Variants in PIANP observed in about 807,000 individuals in gnomAD.
PIANP encodes PILR alpha associated neural protein.
PIANP carries 14 observed loss-of-function variants against 28.9 expected under a neutral mutation model. The observed-to-expected ratio is 0.49, with a 90% confidence interval of 0.32 to 0.76. The LOEUF is 0.76. PIANP is among the 30% of genes least tolerant of loss of function. The pLI, the probability that PIANP is intolerant of heterozygous loss-of-function variation, is 0.03. For synonymous variants in PIANP, 149 were observed against 156.6 expected (o/e 0.95, Z 0.36); for missense variants, 322 against 371.8 (o/e 0.87, Z 1.10).
chr12:6,696,644 C>T lies in PIANP; in HGVS notation c.524-120G>A, dbSNP rs566813611. 2.3e-5 allele frequency: 14 copies of T among 599,510 alleles called. No individual in the cohort carries two copies. The highest frequency in any genetic ancestry group is 1.5e-4 in the Admixed American group (4 of 26,562). The allele number at this position is 599,510 out of a possible 1,614,324, so 37.1% of individuals were successfully genotyped here. On this transcript the variant is annotated intron_variant, in intron 3 of 4. Transcript: ENST00000534837. The surrounding 1 kb of genome is among the most constrained non-coding windows in gnomAD (Gnocchi z 4.0). ...GCATTGCTGTGTGGATCCACACTGC[C>T]GGCTCTGTCTGCCCCTCTGGAGCCT...
chr12:6,697,435 G>A lies in PIANP; in HGVS notation c.375C>T (p.Pro125=), dbSNP rs760903001. ...CTGCAAAACCATAGTCCAGAAATCC[G>A]GGATTGGCAGAGTTGGGGTCCCCTC... The part of the protein sequence containing the change: ...EDGGDPNSAN[P]GFLDYGFAAP... Residue 125 remains proline (P), a synonymous_variant, in exon 3 of 5, where the codon CCC becomes CCT. Transcript: ENST00000534837. The surrounding 1 kb of genome is among the most constrained non-coding windows in gnomAD (Gnocchi z 6.9). 2.3e-5 allele frequency: 37 copies of A among 1,613,902 alleles called. No homozygotes were observed. The highest frequency in any genetic ancestry group is 1.6e-4 in the Middle Eastern group (1 of 6,084).
Position 6,697,328 on chromosome 12 carries a change from G to A in PIANP, c.482C>T (p.Pro161Leu), listed in dbSNP as rs1222803957. Residue 161 changes from proline (P) to leucine (L), a missense_variant, in exon 3 of 5, where the codon CCT becomes CTT. Physicochemically the swap from Pro to Leu is moderately conservative, Grantham distance 98. Transcript: ENST00000534837. This position sits in a 1 kb window ranked among gnomAD's most constrained non-coding sequence, Gnocchi z 6.9. Reference protein sequence around the residue: ...DGDGLILGEAPATLRPFLFGG... With the variant: ...DGDGLILGEALATLRPFLFGG... The stretch of plus-strand genomic sequence containing the variant: ...GAACAGGAATGGCCGCAGGGTGGCA[G>A]GTGCCTCTCCAAGGATAAGCCCATC... The A allele has an allele frequency of 6.2e-7, 1 of 1,614,012 alleles. No homozygotes were observed. Among genetic ancestry groups the A allele is most frequent in the Admixed American group, 1.7e-5 (1 of 60,028 alleles).
Position 6,695,030 on chromosome 12 carries a change from G to C in PIANP, c.*396C>G. 6.4e-7 allele frequency: 1 copy of C among 1,565,230 alleles called. No homozygotes were observed. The highest frequency in any genetic ancestry group is 8.7e-7 in the Non-Finnish European group (1 of 1,154,484). On this transcript the variant is annotated 3_prime_UTR_variant, in exon 5 of 5. Transcript: ENST00000534837. This position sits in a 1 kb window ranked among gnomAD's most constrained non-coding sequence, Gnocchi z 4.2. ...CCTGCTTGGCTGCACCCCAACATTGGGGGCATCACAGATTCACCAGGGGAA... is the reference window on the plus strand; with the variant it reads ...CCTGCTTGGCTGCACCCCAACATTGCGGGCATCACAGATTCACCAGGGGAA...
chr12:6,695,587 TCTC>T lies in PIANP; in HGVS notation c.667_669del (p.Glu223del), dbSNP rs1415803299. The T allele has an allele frequency of 4.4e-6, 7 of 1,589,750 alleles. No individual in the cohort carries two copies. Among genetic ancestry groups the T allele is most frequent in the Non-Finnish European group, 6.0e-6 (7 of 1,167,106 alleles). ...GACAGGTCTGTCAGTGGCTGCTGGC[TCTC>T]CTCCTGCCTCAGGGCACCTTGCTGC... On this transcript the variant is annotated inframe_deletion, in exon 5 of 5. Transcript: ENST00000534837. This position sits in a 1 kb window ranked among gnomAD's most constrained non-coding sequence, Gnocchi z 4.2.
Position 6,697,730 on chromosome 12 carries a change from G to A in PIANP, c.80C>T (p.Pro27Leu), listed in dbSNP as rs1168762197. The A allele has an allele frequency of 7.1e-6, 11 of 1,555,292 alleles. No individual in the cohort carries two copies. Among genetic ancestry groups the A allele is most frequent in the East Asian group, 2.3e-5 (1 of 42,892 alleles). The change falls in exon 3 of 5, where the codon CCG (proline) becomes CTG (leucine). Residue 27 changes from proline (P) to leucine (L), a missense_variant. Pro to Leu is a moderately conservative substitution (Grantham distance 98, BLOSUM62 -3). Transcript: ENST00000534837. The surrounding 1 kb of genome is among the most constrained non-coding windows in gnomAD (Gnocchi z 6.9). ...GGAGGATGAAGAGCCCTGAGCAGGC[G>A]GTGGGAGGGGCAGCAACAGCAGTGG... The part of the protein sequence containing the change: ...LWPLLLLPLP[P>L]PAQGSSSSPR...
Position 6,697,830 on chromosome 12 carries a change from T to A in PIANP, c.18-38A>T. On this transcript the variant is annotated intron_variant, in intron 2 of 4. Coordinates refer to ENST00000534837, the MANE Select transcript of PIANP (RefSeq NM_001244014.2). The surrounding 1 kb of genome is among the most constrained non-coding windows in gnomAD (Gnocchi z 6.9). ...AGAGAGCGTGGCTGAGACACAGGCC[T>A]ACTGTGGGCCTATGTGAGGGAGGGA... 1 of 1,504,602 alleles carries A rather than the reference T, an allele frequency of 6.6e-7. No homozygotes were observed. The highest frequency in any genetic ancestry group is 8.9e-7 in the Non-Finnish European group (1 of 1,127,478). 93.2% of individuals were successfully genotyped at this position (1,504,602 alleles called of 1,614,324 possible). A position where few individuals can be genotyped will look rare whatever the true frequency, so the allele number is the denominator to read the frequency against.
rs573129295 is a variant in PIANP at position 6,695,783 on chromosome 12, G to C, written c.606-132C>G. On this transcript the variant is annotated intron_variant, in intron 4 of 4. Transcript: ENST00000534837. The surrounding 1 kb of genome is among the most constrained non-coding windows in gnomAD (Gnocchi z 4.2). ...ATAGCAGAGAAACTGGCCTTTAACA[G>C]TTCTCTCTACTAAATCCCCTGGGAC... 6 of 1,067,574 alleles carry C rather than the reference G, an allele frequency of 5.6e-6. No individual in the cohort carries two copies. Among genetic ancestry groups the C allele is most frequent in the East Asian group, 3.2e-5 (1 of 31,072 alleles). 66.1% of individuals were successfully genotyped at this position (1,067,574 alleles called of 1,614,324 possible). A position where few individuals can be genotyped will look rare whatever the true frequency, so the allele number is the denominator to read the frequency against.
At chr12:6,693,230 T>C (rs1248816372), downstream of PIANP, among the ~76,000 whole-genome samples, 1 of 151,004 alleles carries the variant, frequency 6.6e-6, no homozygotes. Flanking sequence ...CTGCAGTGCC[T>C]CTCTCTGAGA....
chr12:6,695,032 G>C lies in PIANP; in HGVS notation c.*394C>G, dbSNP rs1296561492. ...TGCTTGGCTGCACCCCAACATTGGG[G>C]GCATCACAGATTCACCAGGGGAATC... On this transcript the variant is annotated 3_prime_UTR_variant, in exon 5 of 5. Transcript: ENST00000534837. This position sits in a 1 kb window ranked among gnomAD's most constrained non-coding sequence, Gnocchi z 4.2. 6.4e-7 allele frequency: 1 copy of C among 1,566,102 alleles called. No individual in the cohort carries two copies. The highest frequency in any genetic ancestry group is 1.9e-5 in the Admixed American group (1 of 52,984).
chr12:6,694,084 C>T lies in PIANP; in HGVS notation c.*1342G>A, dbSNP rs143672282. The T allele has an allele frequency of 0.011, 1,760 of 153,806 alleles. 20 individuals are homozygous for T. Among genetic ancestry groups the T allele is most frequent in the Middle Eastern group, 0.045 (14 of 310 alleles). The allele number at this position is 153,806 out of a possible 1,614,324, so 9.5% of individuals were successfully genotyped here. A position where few individuals can be genotyped will look rare whatever the true frequency, so the allele number is the denominator to read the frequency against. On this transcript the variant is annotated 3_prime_UTR_variant, in exon 5 of 5. Coordinates refer to ENST00000534837, the MANE Select transcript of PIANP (RefSeq NM_001244014.2). This position sits in a 1 kb window ranked among gnomAD's most constrained non-coding sequence, Gnocchi z 6.1. ...GACTTGGAGGCAGAGCTCCCGATGGCCTTGAACCAGCTGACTCCGGTCCCT... is the reference window on the plus strand; with the variant it reads ...GACTTGGAGGCAGAGCTCCCGATGGTCTTGAACCAGCTGACTCCGGTCCCT...
At chr12:6,692,799 A>C (rs762191702), downstream of PIANP, among the ~76,000 whole-genome samples, 1 of 152,118 alleles carries the variant, frequency 6.6e-6, no homozygotes, top group Non-Finnish European at 1.5e-5. Flanking sequence ...ACTCAGCATT[A>C]TGTGCTGCAC....
rs368006102 is a variant in PIANP at position 6,697,402 on chromosome 12, A to G, written c.408T>C (p.His136=). The change falls in exon 3 of 5, where the codon CAT becomes CAC. Residue 136 remains histidine (H), a synonymous_variant. Coordinates refer to ENST00000534837, the MANE Select transcript of PIANP (RefSeq NM_001244014.2). This position sits in a 1 kb window ranked among gnomAD's most constrained non-coding sequence, Gnocchi z 6.9. ...AGTTGGGGTGTGGGGTTGCGAGCCC[A>G]TGAGGGGCTGCAAAACCATAGTCCA... is the stretch of plus-strand genomic sequence containing the variant. The part of the protein sequence containing the change: ...GFLDYGFAAP[H]GLATPHPNSD... The G allele has an allele frequency of 1.2e-6, 2 of 1,613,922 alleles. No homozygotes were observed. The highest frequency in any genetic ancestry group is 1.7e-6 in the Non-Finnish European group (2 of 1,179,904).
Position 6,695,958 on chromosome 12 carries a change from TTC to T in PIANP, c.606-309_606-308del, listed in dbSNP as rs556233216. ...TCCCCTACATGCCCAGAAGAGTCAT[TTC>T]TGTCTTCAGCAGACAACTGGCAGGT... On this transcript the variant is annotated intron_variant, in intron 4 of 4. Coordinates refer to ENST00000534837, the MANE Select transcript of PIANP (RefSeq NM_001244014.2). This position sits in a 1 kb window ranked among gnomAD's most constrained non-coding sequence, Gnocchi z 4.2. Among the ~76,000 whole-genome samples the T allele has an allele frequency of 7.9e-5, 12 of 152,176 alleles. No homozygotes were observed. The South Asian group carries it at 2.5e-3, about 32-fold the overall frequency.
Position 6,695,017 on chromosome 12 carries a change from C to A in PIANP, c.*409G>T. 6.4e-7 allele frequency: 1 copy of A among 1,557,360 alleles called. No individual in the cohort carries two copies. Among genetic ancestry groups the A allele is most frequent in the African/African-American group, 1.4e-5 (1 of 73,548 alleles). ...GGCCCCTTGGCCTCCTGCTTGGCTG[C>A]ACCCCAACATTGGGGGCATCACAGA... On this transcript the variant is annotated 3_prime_UTR_variant, in exon 5 of 5. Coordinates refer to ENST00000534837, the MANE Select transcript of PIANP (RefSeq NM_001244014.2). The surrounding 1 kb of genome is among the most constrained non-coding windows in gnomAD (Gnocchi z 4.2).
chr12:6,695,090 A>G lies in PIANP; in HGVS notation c.*336T>C, dbSNP rs1430378783. ...GAAGAGGGAAAGGGCACAGTCAGGA[A>G]CCAAGGGGTAGGCCAGAATAGAAGG... On this transcript the variant is annotated 3_prime_UTR_variant, in exon 5 of 5. Transcript: ENST00000534837. The surrounding 1 kb of genome is among the most constrained non-coding windows in gnomAD (Gnocchi z 4.2). The G allele has an allele frequency of 6.4e-7, 1 of 1,569,292 alleles. No individual in the cohort carries two copies. The highest frequency in any genetic ancestry group is 1.2e-5 in the South Asian group (1 of 85,090).
chr12:6,696,372 C>T lies in PIANP; in HGVS notation c.605+71G>A. ...CCCCAGCAAAATTGCTGCCACTGCCCCTCGTGGTTAGAGCCTCGACTGCCA... is the reference window on the plus strand; with the variant it reads ...CCCCAGCAAAATTGCTGCCACTGCCTCTCGTGGTTAGAGCCTCGACTGCCA... On this transcript the variant is annotated intron_variant, in intron 4 of 4. Transcript: ENST00000534837. This position sits in a 1 kb window ranked among gnomAD's most constrained non-coding sequence, Gnocchi z 4.0. The T allele has an allele frequency of 8.0e-7, 1 of 1,255,778 alleles. No individual in the cohort carries two copies. The highest frequency in any genetic ancestry group is 2.7e-5 in the Admixed American group (1 of 37,380). The allele number at this position is 1,255,778 out of a possible 1,614,324, so 77.8% of individuals were successfully genotyped here.
chr12:6,694,739 G>A lies in PIANP; in HGVS notation c.*687C>T. On this transcript the variant is annotated 3_prime_UTR_variant, in exon 5 of 5. Transcript: ENST00000534837. The surrounding 1 kb of genome is among the most constrained non-coding windows in gnomAD (Gnocchi z 6.1). ...GCGGAGCGGTATGGACGGGGAGAGG[G>A]TGCAGGAGCGTGTGCAAATGGCCTG... 1 of 412,972 alleles carries A rather than the reference G, an allele frequency of 2.4e-6. No homozygotes were observed. Among genetic ancestry groups the A allele is most frequent in the East Asian group, 3.7e-5 (1 of 27,016 alleles). 25.6% of individuals were successfully genotyped at this position (412,972 alleles called of 1,614,324 possible).
Position 6,694,905 on chromosome 12 carries a change from G to C in PIANP, c.*521C>G, listed in dbSNP as rs1959801920. ...GCCCGTGGGGCTGGGGAGTGTTCCGGGTGGTGTGCAAGGGGCAGGAGCCAG... is the reference window on the plus strand; with the variant it reads ...GCCCGTGGGGCTGGGGAGTGTTCCGCGTGGTGTGCAAGGGGCAGGAGCCAG... On this transcript the variant is annotated 3_prime_UTR_variant, in exon 5 of 5. Transcript: ENST00000534837. The surrounding 1 kb of genome is among the most constrained non-coding windows in gnomAD (Gnocchi z 6.1). 1 of 1,137,354 alleles carries C rather than the reference G, an allele frequency of 8.8e-7. No individual in the cohort carries two copies. Among genetic ancestry groups the C allele is most frequent in the African/African-American group, 1.6e-5 (1 of 63,444 alleles). 70.5% of individuals were successfully genotyped at this position (1,137,354 alleles called of 1,614,324 possible).
In PIANP at chr12:6,697,105, C is replaced by T. The variant is rs1959888167; in HGVS notation, c.523+182G>A. 6.6e-6 allele frequency among the ~76,000 whole-genome samples: 1 copy of T among 152,242 alleles called. No individual in the cohort carries two copies. Among genetic ancestry groups the T allele is most frequent in the Non-Finnish European group, 1.5e-5 (1 of 68,044 alleles). The stretch of plus-strand genomic sequence containing the variant: ...ACGATGACTCCTCTCCAAGTCCTTT[C>T]ATGTCTGTCTGCTCCAGTGGACCTG... On this transcript the variant is annotated intron_variant, in intron 3 of 4. Coordinates refer to ENST00000534837, the MANE Select transcript of PIANP (RefSeq NM_001244014.2). This position sits in a 1 kb window ranked among gnomAD's most constrained non-coding sequence, Gnocchi z 6.9.
Sources: gnomAD v4.1 joint callset for allele counts (sites outside exome capture counted in the v4.1 genomes callset) on GRCh38, gnomAD v4.1.1 for gene constraint, Gnocchi (gnomAD v3.1) non-coding constraint, MANE v1.5 for transcripts, NCBI Gene and HGNC (gene_info 2026-07-23, HGNC 2026-07-21) for gene names.